PTPRK: variants seen among roughly 807,000 people sequenced by gnomAD.
PTPRK encodes the protein receptor-type tyrosine-protein phosphatase kappa.
In PTPRK, 75 loss-of-function variants were observed where a neutral mutation model predicts 178.0. The ratio of observed to expected loss-of-function variants is 0.42; its 90% CI spans 0.35 to 0.51. The LOEUF (loss-of-function observed/expected upper bound fraction) is 0.51, where lower values mean the gene tolerates loss of function less well. PTPRK is among the 20% of genes least tolerant of loss of function. The pLI is 0.02. For synonymous variants in PTPRK, 637 were observed against 620.6 expected, an observed-to-expected ratio of 1.03 and a Z score of -0.39; for missense variants, 1,441 against 1,797.8, an observed-to-expected ratio of 0.80 and a Z score of 3.59.
chr6:128,188,044 T>A (rs1048447122), intron 6 of PTPRK, among the ~76,000 whole-genome samples: 5 of 152,140 alleles, frequency 3.3e-5, no homozygotes, highest in African/African-American at 9.7e-5. Context: ...ATATTCTTCA[T>A]AACAATACAC....
chr6:128,450,793 C>T (rs1028245386), intron 1 of PTPRK, among the ~76,000 whole-genome samples: 7 of 152,130 alleles, frequency 4.6e-5, no homozygotes, highest in African/African-American at 1.2e-4. Context: ...AAATCACAAT[C>T]GTTATGTCAT....
At chr6:128,340,928 A>G (rs1831579995) in intron 2 of PTPRK, 1 of 240,560 alleles carries the variant, frequency 4.2e-6, no homozygotes, top group Admixed American at 6.0e-5. Flanking sequence ...AGTACATTCC[A>G]AAATAACAGG....
intron 1 of PTPRK, among the ~76,000 whole-genome samples, chr6:128,427,383 A>G (rs1844276994): frequency 6.6e-6 from 1 of 152,144 alleles, no homozygotes; most frequent in Non-Finnish European, 1.5e-5. Flanking sequence ...CCTGCCTTCT[A>G]TTTAGGTACA....
At chr6:128,006,980 T>G (rs1778502252) in intron 14 of PTPRK, among the ~76,000 whole-genome samples, 1 of 150,830 alleles carries the variant, frequency 6.6e-6, no homozygotes, top group Admixed American at 6.6e-5. Flanking sequence ...AGGGATAAAA[T>G]CAAACTTAAC....
In PTPRK at chr6:128,520,550, C is replaced by T; in HGVS notation, c.-192G>A. 1 of 577,728 alleles carries T rather than the reference C, an allele frequency of 1.7e-6. No homozygotes were observed. Among genetic ancestry groups the T allele is most frequent in the Non-Finnish European group, 3.1e-6 (1 of 320,452 alleles). 35.8% of individuals were successfully genotyped at this position (577,728 alleles called of 1,614,324 possible). A position where few individuals can be genotyped will look rare whatever the true frequency, so the allele number is the denominator to read the frequency against. ...GCGAAAGCGTCGCCAGCGTCGCCGG[C>T]CGGCCGCGGCGGCAGCTCTCCATGC... is the stretch of plus-strand genomic sequence containing the variant. On this transcript the variant is annotated 5_prime_UTR_variant, in exon 1 of 30. Transcript: ENST00000368226.
chr6:128,262,781 T>C (rs1818360761), intron 3 of PTPRK, among the ~76,000 whole-genome samples: 1 of 151,144 alleles, frequency 6.6e-6, no homozygotes, highest in African/African-American at 2.5e-5. Context: ...TTTCAGTCTT[T>C]TTTATAATAC....
chr6:128,013,784 C>T (rs1168107966), intron 13 of PTPRK, among the ~76,000 whole-genome samples: 3 of 151,516 alleles, frequency 2.0e-5, no homozygotes, highest in African/African-American at 4.8e-5. Flanking sequence ...CTGCTACTAC[C>T]TTCATTCAGA....
chr6:128,191,136 AAG>A (rs1562759542), intron 6 of PTPRK, among the ~76,000 whole-genome samples: 3 of 152,208 alleles, frequency 2.0e-5, no homozygotes, highest in African/African-American at 7.2e-5. Flanking sequence ...CTTTAGATAA[AAG>A]GGGAAAAAAG....
intron 1 of PTPRK, chr6:128,409,196 A>C: frequency 2.9e-6 from 1 of 350,002 alleles, no homozygotes; most frequent in South Asian, 2.3e-5. Flanking sequence ...GAAAAGATTG[A>C]TTACACCAAT....
At chr6:128,483,834 G>A (rs1852433249) in intron 1 of PTPRK, among the ~76,000 whole-genome samples, 1 of 152,120 alleles carries the variant, frequency 6.6e-6, no homozygotes, top group Admixed American at 6.6e-5. Context: ...AACGTGATAT[G>A]AAATGTTCAC....
chr6:128,449,779 G>A (rs530315357), intron 1 of PTPRK, among the ~76,000 whole-genome samples: 3 of 152,108 alleles, frequency 2.0e-5, no homozygotes, highest in African/African-American at 7.2e-5. Flanking sequence ...TAAAACTATA[G>A]TAGTACAAAA....
chr6:128,412,425 TC>T (rs1842410731), intron 1 of PTPRK, among the ~76,000 whole-genome samples: 1 of 152,186 alleles, frequency 6.6e-6, no homozygotes, highest in Non-Finnish European at 1.5e-5. Flanking sequence ...TTGTTCAAGG[TC>T]TCATTGCTAG....
At chr6:128,285,530 G>A (rs1822352477) in intron 3 of PTPRK, among the ~76,000 whole-genome samples, 1 of 150,084 alleles carries the variant, frequency 6.7e-6, no homozygotes, top group African/African-American at 2.4e-5. Flanking sequence ...AAAAAAAAAG[G>A]CTGGGCGTGG....
At chr6:128,008,333 TA>T (rs11308305) in intron 14 of PTPRK, among the ~76,000 whole-genome samples, 84,072 of 143,162 alleles carry the variant, frequency 0.59, 23,619 homozygotes, top group Middle Eastern at 0.65. Context: ...TGCTTATAAA[TA>T]TTTTTTTTAA....
chr6:128,084,576 T>A lies in PTPRK; in HGVS notation c.1466-752A>T, dbSNP rs145756744. ...GAAGTGTCCTCAGCTATGACCATAT[T>A]TGAAGAGCCTTTGCTTCAGTCCTTA... On this transcript the variant is annotated intron_variant, in intron 8 of 29. Coordinates refer to ENST00000368226, the MANE Select transcript of PTPRK (RefSeq NM_002844.4). 2.0e-5 allele frequency among the ~76,000 whole-genome samples: 3 copies of A among 152,338 alleles called. No homozygotes were observed. In the East Asian group the frequency reaches 5.8e-4, roughly 29 times the overall value.
At chr6:128,104,957 T>C (rs747187811) in intron 7 of PTPRK, among the ~76,000 whole-genome samples, 1 of 152,184 alleles carries the variant, frequency 6.6e-6, no homozygotes, top group Non-Finnish European at 1.5e-5. Context: ...AACATAAAGA[T>C]GAAAATCTGA....
chr6:128,247,574 C>T (rs1815705778), intron 3 of PTPRK, among the ~76,000 whole-genome samples: 1 of 152,174 alleles, frequency 6.6e-6, no homozygotes, highest in African/African-American at 2.4e-5. Context: ...CTGCCTCAGC[C>T]TCCCAAACTG....
At chr6:128,512,392 C>T (rs1857323677) in intron 1 of PTPRK, among the ~76,000 whole-genome samples, 6 of 152,182 alleles carry the variant, frequency 3.9e-5, no homozygotes, top group African/African-American at 1.4e-4. Context: ...AATGGGTGAA[C>T]ATTAATTTTT....
intron 2 of PTPRK, among the ~76,000 whole-genome samples, chr6:128,383,709 G>C (rs1346141328): frequency 6.6e-6 from 1 of 152,122 alleles, no homozygotes; most frequent in Non-Finnish European, 1.5e-5. Context: ...GCACAACACT[G>C]AACGGTGGTA....
Sources: allele counts gnomAD v4.1 joint callset (sites outside exome capture counted in the v4.1 genomes callset), GRCh38; gene constraint gnomAD v4.1.1; transcripts MANE v1.5; gene names NCBI Gene and HGNC (gene_info 2026-07-23, HGNC 2026-07-21).